The following TXK variants were observed in gnomAD, a reference collection of about 807,000 sequenced individuals.
TXK encodes the protein tyrosine-protein kinase TXK.
Under a neutral mutation model 81.0 loss-of-function variants are expected in TXK, and 60 were observed. The observed-to-expected ratio is 0.74, with a 90% CI of 0.60 to 0.92. TXK has a LOEUF of 0.92. Among genes scored for constraint, TXK ranks in the 40% least tolerant of loss-of-function variants. The pLI, the probability that TXK is intolerant of heterozygous loss-of-function variation, is 0.00. For synonymous variants in TXK, 203 were observed against 210.7 expected, an observed-to-expected ratio of 0.96 and a Z score of 0.32; for missense variants, 581 against 638.3, an observed-to-expected ratio of 0.91 and a Z score of 0.97.
chr4:48,091,510 CTTT>C (rs536973592), intron 8 of TXK, among the ~76,000 whole-genome samples: 1 of 145,028 alleles, frequency 6.9e-6, no homozygotes, highest in African/African-American at 2.5e-5. Flanking sequence ...TTTTTCTTTT[CTTT>C]TTTTTTTTTG....
intron 1 of TXK, among the ~76,000 whole-genome samples, chr4:48,117,558 T>C (rs1439400714): frequency 6.6e-6 from 1 of 152,112 alleles, no homozygotes; most frequent in Non-Finnish European, 1.5e-5. Context: ...CAACTTTCAA[T>C]ATTCCCTAAT....
At chr4:48,096,117 TCTC>T (rs535608963) in intron 6 of TXK, among the ~76,000 whole-genome samples, 23 of 152,310 alleles carry the variant, frequency 1.5e-4, no homozygotes, top group African/African-American at 5.3e-4. Context: ...AGTAGAGTCT[TCTC>T]CTTCTCATTC....
chr4:48,086,796 A>C (rs948358933), intron 9 of TXK, among the ~76,000 whole-genome samples, 159 bp from the exon 10 acceptor site: 7 of 152,248 alleles, frequency 4.6e-5, no homozygotes, highest in Admixed American at 1.3e-4. Flanking sequence ...ACTGTGGCTT[A>C]AACGTAATTC....
chr4:48,124,296 C>T (rs1398703986), intron 1 of TXK, among the ~76,000 whole-genome samples: 2 of 152,172 alleles, frequency 1.3e-5, no homozygotes, highest in Non-Finnish European at 2.9e-5. Flanking sequence ...CCACCACCAC[C>T]TTCCAATTGT....
intron 10 of TXK, among the ~76,000 whole-genome samples, chr4:48,082,329 G>A (rs552430345): frequency 6.4e-4 from 97 of 152,094 alleles, no homozygotes; most frequent in African/African-American, 2.3e-3. Context: ...CACTGAGACT[G>A]ATAGAACAGA....
At chr4:48,101,335 G>A (rs1718185662) in intron 6 of TXK, among the ~76,000 whole-genome samples, 1 of 152,110 alleles carries the variant, frequency 6.6e-6, no homozygotes, top group African/African-American at 2.4e-5. Flanking sequence ...ACTGTTACAA[G>A]ACAGTTATAG....
In TXK at chr4:48,071,665, A is replaced by G. The variant is rs1209490041; in HGVS notation, c.1367T>C (p.Met456Thr). ...TTTTCCTTCTGTAAAAACTTCCCAC[A>G]TTAAAACTCCTGCAAACAAAAATGC... ...KSDVWSFGVLMWEVFTEGKMP... is the reference protein window; with the variant it reads ...KSDVWSFGVLTWEVFTEGKMP... The change falls in exon 14 of 15, where the codon ATG (methionine) becomes ACG (threonine). Residue 456 changes from methionine (M) to threonine (T), a missense_variant. Physicochemically the swap from Met to Thr is moderately conservative, Grantham distance 81 (BLOSUM62 -1). Coordinates refer to ENST00000264316, the MANE Select transcript of TXK (RefSeq NM_003328.3). The G allele has an allele frequency of 1.9e-6, 3 of 1,613,986 alleles. No homozygotes were observed. Among genetic ancestry groups the G allele is most frequent in the African/African-American group, 2.7e-5 (2 of 75,044 alleles).
intron 12 of TXK, 78 bp from the exon 13 acceptor site, chr4:48,074,131 T>C: frequency 8.9e-7 from 1 of 1,124,194 alleles, no homozygotes; most frequent in Non-Finnish European, 1.3e-6. Context: ...TAGTTAACTC[T>C]AAGTTGCTAA....
chr4:48,125,487 C>A (rs1190981482), intron 1 of TXK, among the ~76,000 whole-genome samples: 1 of 152,260 alleles, frequency 6.6e-6, no homozygotes, highest in Non-Finnish European at 1.5e-5. Flanking sequence ...TCTGAGCCAA[C>A]TTTATCCCTG....
intron 11 of TXK, among the ~76,000 whole-genome samples, chr4:48,077,579 G>A (rs559088639): frequency 1.1e-3 from 160 of 151,898 alleles, no homozygotes; most frequent in African/African-American, 3.6e-3. Context: ...TAAAATGACC[G>A]GAACTTTCAC....
intron 1 of TXK, among the ~76,000 whole-genome samples, chr4:48,126,358 G>C (rs1015478563): frequency 6.6e-6 from 1 of 152,168 alleles, no homozygotes; most frequent in South Asian, 2.1e-4. Context: ...TAAGAATACA[G>C]TGTATGATAC....
chr4:48,103,041 T>C (rs904786113), intron 6 of TXK, among the ~76,000 whole-genome samples: 1 of 152,162 alleles, frequency 6.6e-6, no homozygotes, highest in African/African-American at 2.4e-5. Context: ...GTATCTGTAA[T>C]GTTTTATTTA....
intron 1 of TXK, among the ~76,000 whole-genome samples, chr4:48,130,801 C>T (rs1719230747): frequency 6.6e-6 from 1 of 152,112 alleles, no homozygotes; most frequent in African/African-American, 2.4e-5. Context: ...TAAGATAGGA[C>T]TCTGAAAAGA....
intron 10 of TXK, 37 bp downstream of exon 10, chr4:48,086,410 GTTTCCATGACACCAGGGCA>G (rs1717530591): frequency 6.3e-7 from 1 of 1,576,334 alleles, no homozygotes; most frequent in South Asian, 1.1e-5. Context: ...AGCTCATGTT[GTTTCCATGACACCAGGGCA>G]TGGTATGATA....
chr4:48,130,635 G>A (rs1719227070), intron 1 of TXK, among the ~76,000 whole-genome samples: 1 of 152,198 alleles, frequency 6.6e-6, no homozygotes, highest in Non-Finnish European at 1.5e-5. Flanking sequence ...CAAGGAGGAG[G>A]ACTGCCTAAG....
At chr4:48,070,574 A>T (rs1716801581) in intron 14 of TXK, among the ~76,000 whole-genome samples, 1 of 151,934 alleles carries the variant, frequency 6.6e-6, no homozygotes, top group South Asian at 2.1e-4. Flanking sequence ...TTATTTGCTT[A>T]TTTATTTATT....
At chr4:48,106,701 TCTAA>T (rs1718472036) in intron 5 of TXK, among the ~76,000 whole-genome samples, 2 of 152,180 alleles carry the variant, frequency 1.3e-5, no homozygotes, top group African/African-American at 4.8e-5. Context: ...TAAATGACTT[TCTAA>T]CTGTGAGAAG....
chr4:48,073,875 A>T (rs1205440286), intron 13 of TXK, 60 bp downstream of exon 13: 1 of 1,133,442 alleles, frequency 8.8e-7, no homozygotes, highest in East Asian at 2.4e-5. Context: ...AAAGTTAAAA[A>T]TAACACATTG....
chr4:48,073,431 T>A (rs1479722692), intron 13 of TXK, among the ~76,000 whole-genome samples: 1 of 152,232 alleles, frequency 6.6e-6, no homozygotes, highest in Non-Finnish European at 1.5e-5. Context: ...AATATCAATT[T>A]ATAGATCCCA....
Sources: allele counts gnomAD v4.1 joint callset (sites outside exome capture counted in the v4.1 genomes callset), GRCh38; gene constraint gnomAD v4.1.1; transcripts MANE v1.5; gene names NCBI Gene and HGNC (gene_info 2026-07-23, HGNC 2026-07-21).